MMADHC: variants seen among roughly 807,000 people sequenced by gnomAD.
The protein encoded by MMADHC is metabolism of cobalamin associated D.
In MMADHC, 23 loss-of-function variants were observed where a neutral mutation model predicts 36.3. The observed-to-expected ratio is 0.63, with a 90% CI of 0.46 to 0.90. MMADHC has a LOEUF of 0.90. Ranked by LOEUF, MMADHC falls within the 40% of genes least tolerant of loss-of-function variation. MMADHC has a pLI of 0.00. For synonymous variants in MMADHC, 97 were observed against 116.1 expected (o/e 0.84, Z 1.06); for missense variants, 330 against 348.0 (o/e 0.95, Z 0.41).
chr2:149,587,367 G>A (rs1043728964), intron 1 of MMADHC: 7 of 549,712 alleles, frequency 1.3e-5, no homozygotes, highest in Non-Finnish European at 2.3e-5. Flanking sequence ...CCGGTTTACA[G>A]CCGCGGAAAA....
chr2:149,570,579 TTAC>T (rs1194981183), intron 7 of MMADHC, among the ~76,000 whole-genome samples: 2 of 152,204 alleles, frequency 1.3e-5, no homozygotes, highest in Non-Finnish European at 2.9e-5. Flanking sequence ...AATGATTTAA[TTAC>T]TACTTGTTAC....
At chr2:149,585,136 T>A (rs1363649751) in intron 2 of MMADHC, among the ~76,000 whole-genome samples, 1 of 151,942 alleles carries the variant, frequency 6.6e-6, no homozygotes, top group East Asian at 1.9e-4. Context: ...CTTGACAGAT[T>A]TTATGACTGG....
chr2:149,575,504 AG>A (rs2105045324), intron 6 of MMADHC, among the ~76,000 whole-genome samples: 1 of 152,300 alleles, frequency 6.6e-6, no homozygotes, highest in South Asian at 2.1e-4. Flanking sequence ...AAATAAATTG[AG>A]GAAAGTAATA....
chr2:149,576,543 C>G lies in MMADHC; in HGVS notation c.373-1G>C, dbSNP rs764179800. 6.3e-7 allele frequency: 1 copy of G among 1,599,318 alleles called. No individual in the cohort carries two copies. The highest frequency in any genetic ancestry group is 8.6e-7 in the Non-Finnish European group (1 of 1,166,732). On this transcript the variant is annotated splice_acceptor_variant, in intron 4 of 7. Transcript: ENST00000303319. LOFTEE classifies it high-confidence loss of function. ...CTTGTTCAACAGGTGCATCATTACC[C>G]TAAGGGGAACAAGGATATAAGTCAA...
intron 3 of MMADHC, 60 bp from the exon 4 acceptor site, chr2:149,579,708 G>A (rs1682768993): frequency 4.6e-6 from 6 of 1,311,426 alleles, no homozygotes; most frequent in South Asian, 2.6e-5. Context: ...TTGGTAGACT[G>A]AAAGAATGCT....
intron 2 of MMADHC, 53 bp from the exon 3 acceptor site, chr2:149,582,324 T>TA: frequency 6.3e-7 from 1 of 1,579,568 alleles, no homozygotes; most frequent in South Asian, 1.1e-5. Flanking sequence ...ATGTTATACT[T>TA]ACATAGACAA....
At chr2:149,580,708 C>T (rs1682782106) in intron 3 of MMADHC, among the ~76,000 whole-genome samples, 1 of 152,154 alleles carries the variant, frequency 6.6e-6, no homozygotes, top group Admixed American at 6.6e-5. Flanking sequence ...GCCACCATAT[C>T]CCTCTTCCAC....
intron 4 of MMADHC, among the ~76,000 whole-genome samples, chr2:149,578,994 T>C (rs1346489222): frequency 6.6e-6 from 1 of 151,068 alleles, no homozygotes; most frequent in African/African-American, 2.4e-5. Context: ...TCCTTTTTTT[T>C]TTTTTTACTA....
Position 149,579,507 on chromosome 2 carries a change from A to G in MMADHC, c.296T>C (p.Leu99Ser). 6.2e-7 allele frequency: 1 copy of G among 1,613,300 alleles called. No homozygotes were observed. The highest frequency in any genetic ancestry group is 8.5e-7 in the Non-Finnish European group (1 of 1,179,980). The part of the protein sequence containing the change: ...SQKKSLVHKT[L>S]PDVLAEPLSS... ...TAAAGGTTCTGCTAGAACATCAGGC[A>G]AAGTTTTATGAACCAGGCTTTTCTT... The change falls in exon 4 of 8, where the codon TTG becomes TCG. Residue 99 changes from leucine (L) to serine (S), a missense_variant. By Grantham distance (145) the Leu-to-Ser change is moderately radical (BLOSUM62 -2). Transcript: ENST00000303319.
intron 6 of MMADHC, among the ~76,000 whole-genome samples, chr2:149,571,489 G>A (rs528903090): frequency 1.6e-4 from 24 of 152,142 alleles, no homozygotes; most frequent in African/African-American, 4.8e-4. Context: ...ATCAACTATG[G>A]TTGCTATTTT....
chr2:149,587,186 TTAAACTC>T, intron 1 of MMADHC, 37 bp from the exon 2 acceptor site: 2 of 1,276,728 alleles, frequency 1.6e-6, no homozygotes, highest in Admixed American at 1.7e-5. Context: ...GAGTGATCGA[TTAAACTC>T]TAACAACAGA....
At chr2:149,573,386 T>C (rs1682671588) in intron 6 of MMADHC, among the ~76,000 whole-genome samples, 1 of 152,218 alleles carries the variant, frequency 6.6e-6, no homozygotes, top group African/African-American at 2.4e-5. Context: ...AGGAACAATC[T>C]GCTTCTTGTT....
Position 149,570,073 on chromosome 2 carries a change from C to T in MMADHC, c.792G>A (p.Val264=). Residue 264 remains valine (V), a synonymous_variant, in exon 8 of 8, where the codon GTG becomes GTA. Transcript: ENST00000303319. ...FSVDDLGCCK[V]IRHSLWGTHV... Reference sequence around the variant, plus strand: ...GGGTACCCCAGAGACTATGACGAATCACTTTACAGCATCCAAGGTCATCAA... The same window carrying T: ...GGGTACCCCAGAGACTATGACGAATTACTTTACAGCATCCAAGGTCATCAA... The T allele has an allele frequency of 6.2e-7, 1 of 1,613,650 alleles. No individual in the cohort carries two copies. The highest frequency in any genetic ancestry group is 1.7e-5 in the Admixed American group (1 of 60,012).
At position 149,579,560 on chromosome 2, in the gene MMADHC, A is replaced by G; in HGVS notation, c.243T>C (p.Asp81=). Reference sequence around the variant, plus strand: ...GTGAAGCAGTCCCATTGAGGTGACAATCAAAACCTATGTTCCCAGGAAGCT... The same window carrying G: ...GTGAAGCAGTCCCATTGAGGTGACAGTCAAAACCTATGTTCCCAGGAAGCT... ...RFQLPGNIGF[D]CHLNGTASQK... Residue 81 remains aspartate, a synonymous_variant, in exon 4 of 8, where the codon GAT becomes GAC. Coordinates refer to ENST00000303319, the MANE Select transcript of MMADHC (RefSeq NM_015702.3). The G allele has an allele frequency of 6.2e-7, 1 of 1,614,026 alleles. No individual in the cohort carries two copies. The highest frequency in any genetic ancestry group is 8.5e-7 in the Non-Finnish European group (1 of 1,179,990).
chr2:149,580,357 G>A (rs1427855047), intron 3 of MMADHC, among the ~76,000 whole-genome samples: 1 of 151,946 alleles, frequency 6.6e-6, no homozygotes, highest in South Asian at 2.1e-4. Flanking sequence ...CACAAAATAC[G>A]AACGGGAAAA....
At chr2:149,580,767 C>G (rs2105049063) in intron 3 of MMADHC, among the ~76,000 whole-genome samples, 1 of 152,272 alleles carries the variant, frequency 6.6e-6, no homozygotes, top group South Asian at 2.1e-4. Context: ...TCCTGCTGAA[C>G]CCAGACAACG....
At chr2:149,586,916 G>T in intron 2 of MMADHC, 173 bp downstream of exon 2, 2 of 671,480 alleles carry the variant, frequency 3.0e-6, no homozygotes, top group Admixed American at 2.3e-5. Context: ...TGCAAAGAAT[G>T]CTACCATCTT....
chr2:149,582,007 C>T, intron 3 of MMADHC, 120 bp downstream of exon 3: 1 of 1,116,004 alleles, frequency 9.0e-7, no homozygotes, highest in Non-Finnish European at 1.3e-6. Flanking sequence ...GATTCATTTT[C>T]AACTGAACAA....
intron 2 of MMADHC, among the ~76,000 whole-genome samples, chr2:149,583,590 A>G (rs1682823917): frequency 6.6e-6 from 1 of 152,196 alleles, no homozygotes; most frequent in Non-Finnish European, 1.5e-5. Context: ...AGGGCAGTAT[A>G]AAAAATGGAC....
Sources: gnomAD v4.1 joint callset for allele counts (sites outside exome capture counted in the v4.1 genomes callset) on GRCh38, gnomAD v4.1.1 for gene constraint, MANE v1.5 for transcripts, NCBI Gene and HGNC (gene_info 2026-07-23, HGNC 2026-07-21) for gene names.